Variants in TRPM3 observed in about 807,000 individuals in gnomAD.
TRPM3 encodes transient receptor potential cation channel subfamily M member 3, also known as long transient receptor potential channel 3.
TRPM3 carries 77 observed loss-of-function variants against 181.2 expected under a neutral mutation model. The observed-to-expected ratio is 0.42, with a 90% CI of 0.35 to 0.51. TRPM3 has a LOEUF of 0.51. Ranked by LOEUF, TRPM3 falls within the 20% of genes least tolerant of loss-of-function variation. TRPM3 has a pLI of 0.01. For missense variants in TRPM3, 1,759 were observed against 2,196.7 expected, an observed-to-expected ratio of 0.80 and a Z score of 3.98; for synonymous variants, 745 against 796.4, an observed-to-expected ratio of 0.94 and a Z score of 1.09.
At chr9:71,158,211 T>G (rs924301773) in intron 1 of TRPM3, among the ~76,000 whole-genome samples, 1 of 152,146 alleles carries the variant, frequency 6.6e-6, no homozygotes, top group African/African-American at 2.4e-5. Context: ...AATATGCCCC[T>G]AGTTGATTCC....
intron 1 of TRPM3, among the ~76,000 whole-genome samples, chr9:71,201,999 G>A (rs559821808): frequency 1.6e-4 from 25 of 152,226 alleles, no homozygotes; most frequent in African/African-American, 5.8e-4. Flanking sequence ...ATGTACAGAT[G>A]GGTTTTTGGT....
At position 70,985,159 on chromosome 9, in the gene TRPM3, A is replaced by G. The variant is rs1455424842; in HGVS notation, c.178-120648T>C. ...GGATAGCTGTACTGCAGCAGAGGCA[A>G]TTGGAGCCAATATTACACAGTCCTT... On this transcript the variant is annotated intron_variant, in intron 1 of 25. Coordinates refer to ENST00000677713, the MANE Select transcript of TRPM3 (RefSeq NM_001366145.2). 3.3e-5 allele frequency among the ~76,000 whole-genome samples: 5 copies of G among 152,350 alleles called. No individual in the cohort carries two copies. In the East Asian group the frequency reaches 7.7e-4, roughly 24 times the overall value.
Position 70,534,490 on chromosome 9 carries a change from A to G in TRPM3, c.*1463T>C, listed in dbSNP as rs1032712973. 2 of 152,234 alleles carry G rather than the reference A, an allele frequency of 1.3e-5. No individual in the cohort carries two copies. Among genetic ancestry groups the G allele is most frequent in the Non-Finnish European group, 2.9e-5 (2 of 68,042 alleles). 9.4% of individuals were successfully genotyped at this position (152,234 alleles called of 1,614,324 possible). ...CCTCTTAAGAAAGCTCTTTATGTCC[A>G]TTTATTTTATATATAAATATGTGTC... On this transcript the variant is annotated 3_prime_UTR_variant, in exon 26 of 26. Transcript: ENST00000677713.
chr9:70,665,228 T>C (rs968779835), intron 9 of TRPM3, among the ~76,000 whole-genome samples: 1 of 152,126 alleles, frequency 6.6e-6, no homozygotes, highest in African/African-American at 2.4e-5. Flanking sequence ...CTATTGAGTG[T>C]GCATTTCCTG....
intron 1 of TRPM3, among the ~76,000 whole-genome samples, chr9:71,352,239 C>T (rs551235910): frequency 6.6e-6 from 1 of 152,172 alleles, no homozygotes; most frequent in African/African-American, 2.4e-5. Context: ...ATTTGTTTTA[C>T]ATTTTTATGT....
chr9:70,569,921 C>G (rs1228367144), intron 22 of TRPM3, among the ~76,000 whole-genome samples: 1 of 152,102 alleles, frequency 6.6e-6, no homozygotes, highest in East Asian at 1.9e-4. Flanking sequence ...TTGCTTAGGT[C>G]TGTCTCCAGT....
chr9:70,794,412 AC>A, intron 6 of TRPM3, among the ~76,000 whole-genome samples: 1 of 152,286 alleles, frequency 6.6e-6, no homozygotes, highest in Non-Finnish European at 1.5e-5. Context: ...ACCACCTTCT[AC>A]ATTCCAGTGA....
intron 1 of TRPM3, among the ~76,000 whole-genome samples, chr9:71,092,474 T>A (rs181767303): frequency 5.9e-5 from 9 of 151,480 alleles, no homozygotes; most frequent in Non-Finnish European, 1.0e-4. Context: ...TAAGCATAGA[T>A]TTTTTTTTAG....
intron 1 of TRPM3, among the ~76,000 whole-genome samples, chr9:71,090,548 C>T (rs1346259145): frequency 6.6e-6 from 1 of 152,174 alleles, no homozygotes. Flanking sequence ...AGAGACGCTT[C>T]CCAGACTGTT....
chr9:70,838,010 C>T (rs6560158), intron 5 of TRPM3, among the ~76,000 whole-genome samples: 80,371 of 151,968 alleles, frequency 0.53, 21,874 homozygotes, highest in Non-Finnish European at 0.56. Flanking sequence ...TCGCAGAGCA[C>T]AGTCAAATAA....
intron 1 of TRPM3, among the ~76,000 whole-genome samples, chr9:71,189,812 T>A (rs2077901012): frequency 6.6e-6 from 1 of 151,916 alleles, no homozygotes; most frequent in African/African-American, 2.4e-5. Context: ...TTTGTGTATC[T>A]GTCCCCATCC....
intron 1 of TRPM3, among the ~76,000 whole-genome samples, chr9:71,443,907 A>G (rs1038832353): frequency 2.6e-5 from 4 of 152,152 alleles, no homozygotes; most frequent in African/African-American, 9.7e-5. Flanking sequence ...TAGGTCAGGC[A>G]CGGTGGCTCA....
intron 19 of TRPM3, among the ~76,000 whole-genome samples, chr9:70,607,408 A>T (rs145744875): frequency 1.8e-4 from 27 of 152,312 alleles, no homozygotes; most frequent in Non-Finnish European, 3.7e-4. Flanking sequence ...GGGCTTTGTC[A>T]ATATGTGAAG....
chr9:70,938,692 C>A (rs2133515413), intron 1 of TRPM3, among the ~76,000 whole-genome samples: 1 of 152,242 alleles, frequency 6.6e-6, no homozygotes, highest in South Asian at 2.1e-4. Flanking sequence ...GTGGCTCACA[C>A]CTGTAATCCC....
chr9:70,661,380 A>C (rs1431252442), intron 9 of TRPM3, among the ~76,000 whole-genome samples: 1 of 152,178 alleles, frequency 6.6e-6, no homozygotes, highest in Non-Finnish European at 1.5e-5. Context: ...AACAGGAACA[A>C]GACAAGGATG....
At chr9:70,857,606 G>C (rs527394098) in intron 3 of TRPM3, among the ~76,000 whole-genome samples, 1 of 152,196 alleles carries the variant, frequency 6.6e-6, no homozygotes, top group East Asian at 1.9e-4. Flanking sequence ...ATCTAATATA[G>C]CCTGTGCTAG....
chr9:71,247,840 T>A (rs1458138547), intron 1 of TRPM3, among the ~76,000 whole-genome samples: 1 of 152,050 alleles, frequency 6.6e-6, no homozygotes, highest in Non-Finnish European at 1.5e-5. Flanking sequence ...TGAAATAGGG[T>A]TTAAAACAAG....
At chr9:71,431,384 A>G (rs1261051534) in intron 1 of TRPM3, among the ~76,000 whole-genome samples, 5 of 152,214 alleles carry the variant, frequency 3.3e-5, no homozygotes, top group Non-Finnish European at 5.9e-5. Context: ...TGTAAATACA[A>G]TTATATTGCC....
intron 1 of TRPM3, among the ~76,000 whole-genome samples, chr9:70,903,071 C>T (rs951412866): frequency 4.6e-5 from 7 of 152,088 alleles, no homozygotes; most frequent in South Asian, 2.1e-4. Flanking sequence ...AAATTACAGC[C>T]GGAACTCTTT....
Sources: allele counts gnomAD v4.1 joint callset (sites outside exome capture counted in the v4.1 genomes callset), GRCh38; gene constraint gnomAD v4.1.1; transcripts MANE v1.5; gene names NCBI Gene and HGNC (gene_info 2026-07-23, HGNC 2026-07-21).